The following CCDC102B variants were observed in gnomAD, a reference collection of about 807,000 sequenced individuals.
CCDC102B encodes coiled-coil domain containing 102B.
In CCDC102B, 75 loss-of-function variants were observed where a neutral mutation model predicts 57.4. The observed-to-expected ratio is 1.31, with a 90% CI of 1.08 to 1.58. The LOEUF is 1.58. Ranked by LOEUF, CCDC102B falls within the 40% of genes most tolerant of loss-of-function variation. The pLI is 0.00. For missense variants in CCDC102B, 636 were observed against 582.6 expected, an observed-to-expected ratio of 1.09 and a Z score of -0.94; for synonymous variants, 206 against 201.9, an observed-to-expected ratio of 1.02 and a Z score of -0.17.
intron 5 of CCDC102B, among the ~76,000 whole-genome samples, chr18:68,896,515 C>A (rs1368312990): frequency 2.0e-5 from 3 of 151,864 alleles, no homozygotes; most frequent in African/African-American, 7.2e-5. Context: ...CCTATATGGT[C>A]TCTCTCTCAA....
Position 69,034,897 on chromosome 18 carries a change from G to A in CCDC102B, c.1435-19133G>A, listed in dbSNP as rs192144828. Among the ~76,000 whole-genome samples the A allele has an allele frequency of 4.0e-5, 6 of 151,370 alleles. No homozygotes were observed. The East Asian group carries it at 9.7e-4, about 24-fold the overall frequency. On this transcript the variant is annotated intron_variant, in intron 7 of 7. Coordinates refer to ENST00000360242, the MANE Select transcript of CCDC102B (RefSeq NM_024781.3). ...TGAGAATATAGCTTTTTATCATTTC[G>A]GTCACTGTAATTGTCCACTTAGAGA...
chr18:68,790,695 C>T (rs147711422), intron 2 of CCDC102B, among the ~76,000 whole-genome samples: 4,458 of 152,210 alleles, frequency 0.029, 97 homozygotes, highest in Non-Finnish European at 0.048. Flanking sequence ...GGCTCGTGCA[C>T]GGTGCGCGCA....
chr18:68,805,146 C>T (rs2035988254), intron 1 of CCDC102B, among the ~76,000 whole-genome samples: 1 of 152,038 alleles, frequency 6.6e-6, no homozygotes, highest in Admixed American at 6.5e-5. Flanking sequence ...CTTATAATTA[C>T]ATATCTTTTG....
intron 7 of CCDC102B, among the ~76,000 whole-genome samples, chr18:69,020,221 G>A (rs1212584745): frequency 2.0e-5 from 3 of 152,054 alleles, no homozygotes; most frequent in Non-Finnish European, 4.4e-5. Context: ...AAACAAAACT[G>A]CATAGGATGA....
chr18:68,797,420 C>G (rs1280564692), upstream of CCDC102B, among the ~76,000 whole-genome samples: 1 of 151,790 alleles, frequency 6.6e-6, no homozygotes. Flanking sequence ...TGATCTCTCG[C>G]CTCCCCCCTC....
intron 2 of CCDC102B, among the ~76,000 whole-genome samples, chr18:68,785,307 T>G (rs1005691522): frequency 8.5e-5 from 13 of 152,162 alleles, no homozygotes; most frequent in African/African-American, 3.1e-4. Context: ...TGTGTCTTTA[T>G]AGCAGCATGA....
intron 2 of CCDC102B, among the ~76,000 whole-genome samples, 187 bp downstream of exon 2, chr18:68,837,556 C>T (rs942531542): frequency 6.6e-5 from 10 of 152,158 alleles, no homozygotes; most frequent in Non-Finnish European, 4.4e-5. Context: ...GCTAGAAGTA[C>T]AAGATCAACA....
chr18:68,746,586 A>AG (rs2033628911), intron 2 of CCDC102B, among the ~76,000 whole-genome samples: 1 of 152,020 alleles, frequency 6.6e-6, no homozygotes, highest in Non-Finnish European at 1.5e-5. Flanking sequence ...GAAAAACACA[A>AG]TTTTCTAACT....
intron 2 of CCDC102B, among the ~76,000 whole-genome samples, chr18:68,755,699 A>T (rs1384049037): frequency 2.0e-5 from 3 of 151,972 alleles, no homozygotes; most frequent in Non-Finnish European, 4.4e-5. Flanking sequence ...CATATTTAAG[A>T]CAAAAATAAT....
intron 6 of CCDC102B, among the ~76,000 whole-genome samples, chr18:68,985,998 A>G (rs2050713133): frequency 6.6e-6 from 1 of 152,168 alleles, no homozygotes; most frequent in Non-Finnish European, 1.5e-5. Flanking sequence ...ATAACTGAAA[A>G]ACTAAAACTT....
At chr18:68,968,075 A>G (rs929629566) in intron 6 of CCDC102B, among the ~76,000 whole-genome samples, 2 of 152,190 alleles carry the variant, frequency 1.3e-5, no homozygotes, top group East Asian at 1.9e-4. Context: ...ACTAATTCCA[A>G]TAATAATACA....
chr18:68,864,177 T>G (rs1239625754), intron 4 of CCDC102B, among the ~76,000 whole-genome samples: 2 of 152,042 alleles, frequency 1.3e-5, no homozygotes, highest in Non-Finnish European at 1.5e-5. Flanking sequence ...TACTTTTGGA[T>G]TTTAGCATTT....
At chr18:68,944,121 A>G (rs1485740978) in intron 6 of CCDC102B, among the ~76,000 whole-genome samples, 1 of 152,242 alleles carries the variant, frequency 6.6e-6, no homozygotes, top group East Asian at 1.9e-4. Context: ...GGATCTGCTT[A>G]CACAGGTTAA....
rs2050889201 is a variant in CCDC102B at position 68,992,235 on chromosome 18, A to C, written c.1264-18699A>C. On this transcript the variant is annotated intron_variant, in intron 6 of 7. Transcript: ENST00000360242. ...CTCCATTACATAGAATAGGGCCCTGAGTACTTTGATTATGCTCATTCATTG... is the reference window on the plus strand; with the variant it reads ...CTCCATTACATAGAATAGGGCCCTGCGTACTTTGATTATGCTCATTCATTG... Among the ~76,000 whole-genome samples the C allele has an allele frequency of 2.0e-5, 3 of 152,252 alleles. No homozygotes were observed. In the South Asian group the frequency reaches 6.2e-4, roughly 32 times the overall value.
chr18:68,923,278 T>C (rs2041350937), intron 6 of CCDC102B, among the ~76,000 whole-genome samples: 1 of 151,848 alleles, frequency 6.6e-6, no homozygotes, highest in Non-Finnish European at 1.5e-5. Context: ...ACTTAGTGTG[T>C]ATACAAAAAA....
intron 2 of CCDC102B, among the ~76,000 whole-genome samples, chr18:68,728,809 C>G (rs2032720786): frequency 1.3e-5 from 2 of 151,758 alleles, no homozygotes; most frequent in Admixed American, 1.3e-4. Flanking sequence ...TCAATATTAC[C>G]ACACCTATTA....
chr18:68,938,205 A>G (rs2049294771), intron 6 of CCDC102B, among the ~76,000 whole-genome samples: 1 of 152,088 alleles, frequency 6.6e-6, no homozygotes, highest in Non-Finnish European at 1.5e-5. Context: ...ACTATAATAC[A>G]ATCTATGAAA....
intron 6 of CCDC102B, among the ~76,000 whole-genome samples, chr18:68,914,232 G>T (rs2040983248): frequency 6.6e-6 from 1 of 152,134 alleles, no homozygotes; most frequent in Non-Finnish European, 1.5e-5. Flanking sequence ...ATGTCTGCAT[G>T]GGTTTCCTCC....
At position 68,846,249 on chromosome 18, in the gene CCDC102B, G is replaced by A; in HGVS notation, c.828-64G>A. 5.2e-6 allele frequency: 5 copies of A among 962,124 alleles called. No homozygotes were observed. The South Asian group carries it at 1.1e-4, about 21-fold the overall frequency. 59.6% of individuals were successfully genotyped at this position (962,124 alleles called of 1,614,324 possible). On this transcript the variant is annotated intron_variant, in intron 3 of 7. Coordinates refer to ENST00000360242, the MANE Select transcript of CCDC102B (RefSeq NM_024781.3). The stretch of plus-strand genomic sequence containing the variant: ...TAGGAAAATGCCTATAAAATTGAAT[G>A]CATCCTTGAAAGTATTTTAAAATTG...
Sources: gnomAD v4.1 joint callset for allele counts (sites outside exome capture counted in the v4.1 genomes callset) on GRCh38, gnomAD v4.1.1 for gene constraint, MANE v1.5 for transcripts, NCBI Gene and HGNC (gene_info 2026-07-23, HGNC 2026-07-21) for gene names.